Variants in SORCS2 observed in about 807,000 individuals in gnomAD.
The protein encoded by SORCS2 is sortilin related VPS10 domain containing receptor 2, also known as VPS10 domain-containing receptor SorCS2.
Under a neutral mutation model 141.6 loss-of-function variants are expected in SORCS2, and 100 were observed. The observed-to-expected ratio is 0.71, with a 90% CI of 0.60 to 0.83. SORCS2 has a LOEUF of 0.83. SORCS2 is among the 40% of genes least tolerant of loss of function. The probability of loss-of-function intolerance (pLI) is 0.00; values close to 1 mark genes in which losing one functional copy is unlikely to be tolerated. For missense variants in SORCS2, 1,646 were observed against 1,560.2 expected (o/e 1.05, Z -0.93); for synonymous variants, 789 against 676.9 (o/e 1.17, Z -2.57).
At chr4:7,668,772 T>C (rs1722641447) in intron 8 of SORCS2, among the ~76,000 whole-genome samples, 1 of 152,222 alleles carries the variant, frequency 6.6e-6, no homozygotes, top group Non-Finnish European at 1.5e-5. Context: ...GTGAGGGACC[T>C]TTTCAGCATC....
chr4:7,197,571 T>G (rs1185805063), intron 1 of SORCS2, among the ~76,000 whole-genome samples: 1 of 152,108 alleles, frequency 6.6e-6, no homozygotes, highest in African/African-American at 2.4e-5. Context: ...GTGGAGTGTA[T>G]AGGAGATGGA....
chr4:7,465,177 G>T (rs1021838881), intron 2 of SORCS2, among the ~76,000 whole-genome samples: 1 of 152,254 alleles, frequency 6.6e-6, no homozygotes, highest in South Asian at 2.1e-4. Context: ...GATGGGCGCG[G>T]ACCAGGCAGC....
chr4:7,437,066 G>C (rs549051572), intron 2 of SORCS2, among the ~76,000 whole-genome samples: 1 of 152,100 alleles, frequency 6.6e-6, no homozygotes, highest in African/African-American at 2.4e-5. Context: ...ACGCCAACTG[G>C]GAGCCCTGTA....
chr4:7,532,813 G>A (rs1711770455), intron 3 of SORCS2, among the ~76,000 whole-genome samples: 1 of 152,148 alleles, frequency 6.6e-6, no homozygotes, highest in African/African-American at 2.4e-5. Flanking sequence ...TGCTGTTTTT[G>A]TTTTGTTTTG....
intron 1 of SORCS2, among the ~76,000 whole-genome samples, chr4:7,231,839 C>T (rs761018046): frequency 6.6e-5 from 10 of 152,132 alleles, no homozygotes; most frequent in Non-Finnish European, 1.5e-4. Context: ...ACTGAGGGCA[C>T]GAGGACAAGG....
intron 14 of SORCS2, among the ~76,000 whole-genome samples, chr4:7,707,601 G>A (rs1359113185): frequency 6.6e-6 from 1 of 152,208 alleles, no homozygotes; most frequent in African/African-American, 2.4e-5. Flanking sequence ...TCACCCCTTC[G>A]AGGATCTGAT....
intron 1 of SORCS2, among the ~76,000 whole-genome samples, chr4:7,374,658 A>G (rs963377261): frequency 2.0e-5 from 3 of 152,076 alleles, no homozygotes; most frequent in African/African-American, 7.2e-5. Context: ...AACGACCAAG[A>G]GCTGGGGTCC....
chr4:7,360,238 A>G (rs947301320), intron 1 of SORCS2, among the ~76,000 whole-genome samples: 1 of 152,178 alleles, frequency 6.6e-6, no homozygotes, highest in African/African-American at 2.4e-5. Context: ...ATATCATGTT[A>G]TTGTCGAAGA....
At chr4:7,312,777 C>A (rs918075806) in intron 1 of SORCS2, among the ~76,000 whole-genome samples, 33 of 152,338 alleles carry the variant, frequency 2.2e-4, no homozygotes, top group African/African-American at 6.7e-4. Context: ...CTCTGGCTTC[C>A]ACTGCAGTTC....
rs1162945229 is a variant in SORCS2 at position 7,374,129 on chromosome 4, CTCTTTCTTTCTT to C, written c.481-22101_481-22090del. Among the ~76,000 whole-genome samples the C allele has an allele frequency of 9.0e-3, 467 of 51,840 alleles. 2 individuals carry two copies. The highest frequency in any genetic ancestry group is 0.036 in the Middle Eastern group (5 of 138). The allele number at this position is 51,840 out of a possible 152,430, so 34.0% of individuals were successfully genotyped here. On this transcript the variant is annotated intron_variant, in intron 1 of 26. Coordinates refer to ENST00000507866, the MANE Select transcript of SORCS2 (RefSeq NM_020777.3). The stretch of plus-strand genomic sequence containing the variant: ...TGAGATTCTTTCTTTCTTTCTTTCC[CTCTTTCTTTCTT>C]TCTTTCTTTCTTTCTTTCTTTCTTT...
In SORCS2 at chr4:7,741,359, G is replaced by C. The variant is rs1475190278; in HGVS notation, c.*1095G>C. On this transcript the variant is annotated 3_prime_UTR_variant, in exon 27 of 27. Coordinates refer to ENST00000507866, the MANE Select transcript of SORCS2 (RefSeq NM_020777.3). ...GTCACAGCAGAGGTGGCCGAACCCAGCCCTCTGCGCGCCAGTGCTGTGCGG... is the reference window on the plus strand; with the variant it reads ...GTCACAGCAGAGGTGGCCGAACCCACCCCTCTGCGCGCCAGTGCTGTGCGG... 2.7e-6 allele frequency: 1 copy of C among 369,120 alleles called. No individual in the cohort carries two copies. The highest frequency in any genetic ancestry group is 4.8e-6 in the Non-Finnish European group (1 of 207,914). 22.9% of individuals were successfully genotyped at this position (369,120 alleles called of 1,614,324 possible).
intron 1 of SORCS2, among the ~76,000 whole-genome samples, chr4:7,304,067 C>T (rs2336108): frequency 0.23 from 35,668 of 152,242 alleles, 4,782 homozygotes; most frequent in Admixed American, 0.36. Flanking sequence ...CACACCTTCA[C>T]GTCATTCATT....
At chr4:7,338,761 C>G (rs1720181192) in intron 1 of SORCS2, among the ~76,000 whole-genome samples, 1 of 152,198 alleles carries the variant, frequency 6.6e-6, no homozygotes, top group Non-Finnish European at 1.5e-5. Context: ...AGTTGGAAAC[C>G]ATTTAATTAA....
Position 7,716,403 on chromosome 4 carries a change from C to T in SORCS2, c.2252+1092C>T, listed in dbSNP as rs1414811601. 2.6e-5 allele frequency among the ~76,000 whole-genome samples: 4 copies of T among 152,194 alleles called. No individual in the cohort carries two copies. In the South Asian group the frequency reaches 6.2e-4, roughly 24 times the overall value. On this transcript the variant is annotated intron_variant, in intron 17 of 26. Transcript: ENST00000507866. ...CCAGTTAGCCATCATCTGTTCATTT[C>T]TCCATCCATTCATTCATCCATACGT...
rs1560115678 is a variant in SORCS2, at chr4:7,725,288, G to A, written c.2745+1G>A. The stretch of plus-strand genomic sequence containing the variant: ...CTGGTGGATCGGCCACAGCCTGCAG[G>A]TGCGCTGGCTTTGCCCCAACTCAGC... On this transcript the variant is annotated splice_donor_variant, in intron 20 of 26. Coordinates refer to ENST00000507866, the MANE Select transcript of SORCS2 (RefSeq NM_020777.3). LOFTEE classifies it high-confidence loss of function. 7 of 1,612,284 alleles carry A rather than the reference G, an allele frequency of 4.3e-6. No homozygotes were observed. Among genetic ancestry groups the A allele is most frequent in the Non-Finnish European group, 5.9e-6 (7 of 1,179,196 alleles).
At chr4:7,544,229 T>C (rs114368843) in intron 3 of SORCS2, among the ~76,000 whole-genome samples, 1 of 152,208 alleles carries the variant, frequency 6.6e-6, no homozygotes, top group Admixed American at 6.5e-5. Context: ...CATCAACTTA[T>C]TTATTCATTC....
chr4:7,401,852 C>G (rs570507005), intron 2 of SORCS2, among the ~76,000 whole-genome samples: 61 of 148,010 alleles, frequency 4.1e-4, no homozygotes, highest in African/African-American at 1.4e-3. Flanking sequence ...TGGTTGAATC[C>G]TCTCCTTTTT....
At chr4:7,287,137 G>A (rs1290488799) in intron 1 of SORCS2, among the ~76,000 whole-genome samples, 3 of 152,156 alleles carry the variant, frequency 2.0e-5, no homozygotes, top group African/African-American at 7.2e-5. Context: ...TCCCTTGGGG[G>A]GTCTCCTGCC....
chr4:7,320,197 T>C (rs1718813159), intron 1 of SORCS2, among the ~76,000 whole-genome samples: 1 of 152,328 alleles, frequency 6.6e-6, no homozygotes, highest in South Asian at 2.1e-4. Context: ...CACTTAAAAA[T>C]ATATTTCTAC....
Sources: allele counts gnomAD v4.1 joint callset (sites outside exome capture counted in the v4.1 genomes callset), GRCh38; gene constraint gnomAD v4.1.1; transcripts MANE v1.5; gene names NCBI Gene and HGNC (gene_info 2026-07-23, HGNC 2026-07-21).